SLC25A3: variants seen among roughly 807,000 people sequenced by gnomAD.
SLC25A3 encodes the protein phosphate transport protein.
SLC25A3 carries 14 observed loss-of-function variants against 37.1 expected under a neutral mutation model. The ratio of observed to expected loss-of-function variants is 0.38; its 90% confidence interval spans 0.25 to 0.59. The LOEUF is 0.59. Ranked by LOEUF, SLC25A3 falls within the 20% of genes least tolerant of loss-of-function variation. The probability of loss-of-function intolerance (pLI) is 0.67; values close to 1 mark genes in which losing one functional copy is unlikely to be tolerated. For missense variants in SLC25A3, 385 were observed against 458.1 expected, an observed-to-expected ratio of 0.84 and a Z score of 1.46; for synonymous variants, 161 against 168.7, an observed-to-expected ratio of 0.95 and a Z score of 0.36.
In SLC25A3 at chr12:98,604,292, C is replaced by G. The variant is rs1428903917; in HGVS notation, c.*2764C>G. The G allele has an allele frequency of 2.1e-5, 3 of 145,914 alleles. No individual in the cohort carries two copies. The highest frequency in any genetic ancestry group is 3.0e-5 in the Non-Finnish European group (2 of 67,042). 9.0% of individuals were successfully genotyped at this position (145,914 alleles called of 1,614,324 possible). On this transcript the variant is annotated 3_prime_UTR_variant, in exon 8 of 8. Transcript: ENST00000552981. ...TATATATATATATATATATATGAAG[C>G]TGATAGTTGAATTATGTTGATTCAG...
At position 98,593,690 on chromosome 12, in the gene SLC25A3, G is replaced by C; in HGVS notation, c.-55G>C. On this transcript the variant is annotated 5_prime_UTR_variant, in exon 1 of 8. Coordinates refer to ENST00000552981, the MANE Select transcript of SLC25A3 (RefSeq NM_002635.4). ...AGGACCCGGAGGACGTCCGGCCTCT[G>C]TGAGCCGCAACCTTTCCAAGGGAGT... 2 of 519,390 alleles carry C rather than the reference G, an allele frequency of 3.9e-6. No homozygotes were observed. The highest frequency in any genetic ancestry group is 7.0e-6 in the Non-Finnish European group (2 of 285,274). 32.2% of individuals were successfully genotyped at this position (519,390 alleles called of 1,614,324 possible).
Position 98,601,479 on chromosome 12 carries a change from C to G in SLC25A3, c.1037C>G (p.Pro346Arg). The G allele has an allele frequency of 6.2e-7, 1 of 1,614,066 alleles. No homozygotes were observed. Among genetic ancestry groups the G allele is most frequent in the Non-Finnish European group, 8.5e-7 (1 of 1,179,954 alleles). ...KVYFRLPRPP[P>R]PEMPESLKKK... ...TACTTCAGACTTCCTCGCCCTCCTC[C>G]ACCCGAGATGCCAGAGTCTCTGAAG... Residue 346 changes from proline to arginine, a missense_variant, in exon 8 of 8, where the codon CCA becomes CGA. This residue lies in a region of SLC25A3 where 276 missense variants were observed against 367.6 expected (regional missense o/e 0.75). Coordinates refer to ENST00000552981, the MANE Select transcript of SLC25A3 (RefSeq NM_002635.4).
At chr12:98,597,660 G>C (rs1250563139) in intron 3 of SLC25A3, 196 bp from the exon 4 acceptor site, 2 of 639,488 alleles carry the variant, frequency 3.1e-6, no homozygotes, top group Non-Finnish European at 5.1e-6. Flanking sequence ...CTGAGCTCAG[G>C]TAATCCACCT....
At chr12:98,595,193 A>C in intron 2 of SLC25A3, 2 of 527,872 alleles carry the variant, frequency 3.8e-6, no homozygotes, top group Non-Finnish European at 3.4e-6. Context: ...TTAATGTAGA[A>C]AACTTTTAAA....
rs964817821 is a variant in SLC25A3 at position 98,601,042 on chromosome 12, G to A, written c.815-129G>A. 11 of 1,016,040 alleles carry A rather than the reference G, an allele frequency of 1.1e-5. No homozygotes were observed. The African/African-American group carries it at 1.1e-4, about 10-fold the overall frequency. 62.9% of individuals were successfully genotyped at this position (1,016,040 alleles called of 1,614,324 possible). ...GATAGACAGCTTGATAACTGTACCC[G>A]TGTCACCCTGAGTCTGATTTTTATT... is the stretch of plus-strand genomic sequence containing the variant. On this transcript the variant is annotated intron_variant, in intron 6 of 7. Transcript: ENST00000552981.
chr12:98,595,625 A>T lies in SLC25A3; in HGVS notation c.158-102A>T. On this transcript the variant is annotated intron_variant, in intron 2 of 7. Transcript: ENST00000552981. Reference sequence around the variant, plus strand: ...GACTGTTAAGTTATAAGATATAGTCATCTAACAAGCTGTGTGGAAACCTAA... The same window carrying T: ...GACTGTTAAGTTATAAGATATAGTCTTCTAACAAGCTGTGTGGAAACCTAA... The T allele has an allele frequency of 2.5e-6, 4 of 1,612,584 alleles. No homozygotes were observed. The South Asian group carries it at 4.4e-5, about 18-fold the overall frequency.
chr12:98,594,055 T>G lies in SLC25A3; in HGVS notation c.77T>G (p.Leu26Arg). The change falls in exon 2 of 8, where the codon CTC becomes CGC. Residue 26 changes from leucine to arginine, a missense_variant. Physicochemically the swap from Leu to Arg is moderately radical, Grantham distance 102. Coordinates refer to ENST00000552981, the MANE Select transcript of SLC25A3 (RefSeq NM_002635.4). ...CATCTGCAGCTGGTGCACGATGGTC[T>G]CGGGGACCTCCGCAGCAGCTCCCCA... The part of the protein sequence containing the change: ...TPHLQLVHDG[L>R]GDLRSSSPGP... The G allele has an allele frequency of 6.2e-7, 1 of 1,613,262 alleles. No homozygotes were observed. The highest frequency in any genetic ancestry group is 2.2e-5 in the East Asian group (1 of 44,868).
In SLC25A3 at chr12:98,601,854, T is replaced by G; in HGVS notation, c.*326T>G. The G allele has an allele frequency of 3.8e-6, 1 of 263,012 alleles. No individual in the cohort carries two copies. Among genetic ancestry groups the G allele is most frequent in the South Asian group, 4.8e-5 (1 of 20,908 alleles). 16.3% of individuals were successfully genotyped at this position (263,012 alleles called of 1,614,324 possible). ...AATATTCCAGTTGCTATTCAGAAATTGTCATATGTCTCAAGTTTTATCACA... is the reference window on the plus strand; with the variant it reads ...AATATTCCAGTTGCTATTCAGAAATGGTCATATGTCTCAAGTTTTATCACA... On this transcript the variant is annotated 3_prime_UTR_variant, in exon 8 of 8. Transcript: ENST00000552981.
At chr12:98,600,759 A>C (rs2097597231) in intron 6 of SLC25A3, among the ~76,000 whole-genome samples, 1 of 152,150 alleles carries the variant, frequency 6.6e-6, no homozygotes, top group Non-Finnish European at 1.5e-5. Context: ...GTCTGGTCTC[A>C]AACTCCTGAC....
intron 3 of SLC25A3, among the ~76,000 whole-genome samples, chr12:98,596,396 A>G (rs933987357): frequency 4.6e-5 from 7 of 152,232 alleles, no homozygotes; most frequent in Non-Finnish European, 8.8e-5. Flanking sequence ...TCCAAACTGG[A>G]TTAGAAGTCT....
In SLC25A3 at chr12:98,599,945, G is replaced by C. The variant is rs755456065; in HGVS notation, c.642-10G>C. 1 of 1,613,796 alleles carries C rather than the reference G, an allele frequency of 6.2e-7. No individual in the cohort carries two copies. Among genetic ancestry groups the C allele is most frequent in the Admixed American group, 1.7e-5 (1 of 60,014 alleles). ...TGCAACTGTGTAAAACAAGTCTCTT[G>C]ATTTCCTAGATTCTACAAGGGGGTT... On this transcript the variant is annotated splice_polypyrimidine_tract_variant and intron_variant, in intron 5 of 7. Coordinates refer to ENST00000552981, the MANE Select transcript of SLC25A3 (RefSeq NM_002635.4).
At chr12:98,596,209 T>C (rs2097592846) in intron 3 of SLC25A3, among the ~76,000 whole-genome samples, 1 of 152,236 alleles carries the variant, frequency 6.6e-6, no homozygotes, top group South Asian at 2.1e-4. Flanking sequence ...GTCCTTTATC[T>C]ACTAATAAGA....
At position 98,598,695 on chromosome 12, in the gene SLC25A3, C is replaced by T; in HGVS notation, c.633C>T (p.Gly211=). 1 of 1,613,420 alleles carries T rather than the reference C, an allele frequency of 6.2e-7. No individual in the cohort carries two copies. The highest frequency in any genetic ancestry group is 8.5e-7 in the Non-Finnish European group (1 of 1,179,448). The change falls in exon 5 of 8, where the codon GGC becomes GGT. Residue 211 remains glycine, a synonymous_variant. Coordinates refer to ENST00000552981, the MANE Select transcript of SLC25A3 (RefSeq NM_002635.4). The part of the protein sequence containing the change: ...DAAPKMYKEE[G]LKAFYKGVAP... ...CTCCCAAAATGTATAAGGAAGAAGG[C>T]CTAAAAGCGTAAGTAAACACTTAAA...
chr12:98,599,273 G>A (rs1050351972), intron 5 of SLC25A3, among the ~76,000 whole-genome samples: 1 of 150,974 alleles, frequency 6.6e-6, no homozygotes. Context: ...GGCTGGTCTC[G>A]AACTCCTGAC....
In SLC25A3 at chr12:98,604,263, A is replaced by AAAAAAAAATATATATATAT. The variant is rs1302964992; in HGVS notation, c.*2736_*2737insAAAAAAATATATATATATA. 3.0e-5 allele frequency: 4 copies of AAAAAAAAATATATATATAT among 134,592 alleles called. No homozygotes were observed. The highest frequency in any genetic ancestry group is 1.1e-4 in the African/African-American group (4 of 34,844). The allele number at this position is 134,592 out of a possible 1,614,324, so 8.3% of individuals were successfully genotyped here. ...GCGAAACTCTGTCTCAAAAAAAAAA[A>AAAAAAAAATATATATATAT]ATATATATATATATATATATATATG... On this transcript the variant is annotated 3_prime_UTR_variant, in exon 8 of 8. Transcript: ENST00000552981.
In SLC25A3 at chr12:98,595,591, A is replaced by G. The variant is rs1257730788; in HGVS notation, c.158-136A>G. On this transcript the variant is annotated intron_variant, in intron 2 of 7. Transcript: ENST00000552981. ...TGCATGCTGGACTAGAGCATATTGA[A>G]GCATGACTGACTGTTAAGTTATAAG... 2.5e-6 allele frequency: 4 copies of G among 1,613,574 alleles called. No homozygotes were observed. The African/African-American group carries it at 5.3e-5, about 22-fold the overall frequency.
chr12:98,600,277 G>A (rs1758829312), intron 6 of SLC25A3, 150 bp downstream of exon 6: 3 of 666,802 alleles, frequency 4.5e-6, no homozygotes, highest in Admixed American at 2.1e-5. Context: ...TCGCTCTGTT[G>A]CCCAGGCTGG....
chr12:98,593,999 C>G lies in SLC25A3; in HGVS notation c.21C>G (p.His7Gln), dbSNP rs373428453. Residue 7 changes from histidine to glutamine, a missense_variant, in exon 2 of 8, where the codon CAC (histidine) becomes CAG (glutamine). Physicochemically the swap from His to Gln is conservative, Grantham distance 24. Transcript: ENST00000552981. MFSSVAHLARANPFNTP... is the reference protein window; with the variant it reads MFSSVAQLARANPFNTP... Reference sequence around the variant, plus strand: ...GAAAGATGTTCTCGTCCGTGGCGCACCTGGCGCGGGCGAACCCCTTCAACA... The same window carrying G: ...GAAAGATGTTCTCGTCCGTGGCGCAGCTGGCGCGGGCGAACCCCTTCAACA... 1 of 1,613,780 alleles carries G rather than the reference C, an allele frequency of 6.2e-7. No homozygotes were observed. The highest frequency in any genetic ancestry group is 1.3e-5 in the African/African-American group (1 of 74,928).
chr12:98,599,834 A>G (rs1261636087), intron 5 of SLC25A3, 121 bp from the exon 6 acceptor site: 2 of 1,013,500 alleles, frequency 2.0e-6, no homozygotes, highest in Non-Finnish European at 3.1e-6. Context: ...AATGACATGC[A>G]TTTATGCTGC....
Sources: gnomAD v4.1 joint callset for allele counts (sites outside exome capture counted in the v4.1 genomes callset) on GRCh38, gnomAD v4.1.1 for gene constraint, gnomAD v4.1.1 regional missense constraint, MANE v1.5 for transcripts, NCBI Gene and HGNC (gene_info 2026-07-23, HGNC 2026-07-21) for gene names.